Variants in BMAL2 observed in about 807,000 individuals in gnomAD.
BMAL2 encodes basic helix-loop-helix ARNT-like protein 2.
At chr12:27,387,210 T>C in the BMAL2 span, 42 of 1,438,986 alleles carry the variant, frequency 2.9e-5, no homozygotes, top group Admixed American at 7.4e-4. Context: ...AAATATTCAC[T>C]TTTTTTTTAA....
chr12:27,417,253 A>T, the BMAL2 span, among the ~76,000 whole-genome samples: 1 of 152,252 alleles, frequency 6.6e-6, no homozygotes, highest in South Asian at 2.1e-4. Flanking sequence ...ATATAACAGT[A>T]TAAGAACTTT....
chr12:27,419,962 A>G, the BMAL2 span, among the ~76,000 whole-genome samples: 1 of 151,550 alleles, frequency 6.6e-6, no homozygotes, highest in African/African-American at 2.4e-5. Context: ...TTCAGTATTA[A>G]ACAGATAGGG....
At chr12:27,390,053 A>G in the BMAL2 span, 66 of 1,596,206 alleles carry the variant, frequency 4.1e-5, no homozygotes, top group Non-Finnish European at 3.2e-5. Flanking sequence ...TTATTTGACA[A>G]TATTCTTTTC....
the BMAL2 span, chr12:27,420,641 TA>T: frequency 8.1e-7 from 1 of 1,234,888 alleles, no homozygotes; most frequent in Non-Finnish European, 1.1e-6. Context: ...TATCTTTTAT[TA>T]ATGTTCTACC....
the BMAL2 span, chr12:27,370,201 G>A: frequency 5.6e-6 from 9 of 1,613,946 alleles, no homozygotes; most frequent in South Asian, 8.8e-5. Flanking sequence ...TTTCAACAAG[G>A]ATAGAAATAT....
the BMAL2 span, among the ~76,000 whole-genome samples, chr12:27,354,415 T>C: frequency 6.6e-6 from 1 of 152,138 alleles, no homozygotes; most frequent in Non-Finnish European, 1.5e-5. Context: ...CGGGGCCTAC[T>C]TGAAGGCAGA....
chr12:27,422,204 A>G, the BMAL2 span: 1 of 152,068 alleles, frequency 6.6e-6, no homozygotes, highest in Admixed American at 6.5e-5. Flanking sequence ...ATGCTCCCAT[A>G]TTTTCTCTCT....
At chr12:27,417,383 C>A in the BMAL2 span, among the ~76,000 whole-genome samples, 18 of 152,286 alleles carry the variant, frequency 1.2e-4, no homozygotes, top group Non-Finnish European at 2.5e-4. Flanking sequence ...TGACCCCAAG[C>A]ATTTGTGGAC....
At chr12:27,410,973 G>A in the BMAL2 span, among the ~76,000 whole-genome samples, 2 of 151,798 alleles carry the variant, frequency 1.3e-5, no homozygotes, top group African/African-American at 4.8e-5. Context: ...GAAAATGTGT[G>A]GATTTCATAC....
the BMAL2 span, among the ~76,000 whole-genome samples, chr12:27,377,195 A>G: frequency 6.6e-6 from 1 of 152,192 alleles, no homozygotes; most frequent in Non-Finnish European, 1.5e-5. Context: ...TCAACATGGC[A>G]GTAACTGTAC....
chr12:27,356,576 G>T, the BMAL2 span, among the ~76,000 whole-genome samples: 17 of 152,288 alleles, frequency 1.1e-4, no homozygotes, highest in African/African-American at 3.8e-4. Flanking sequence ...ACTTAGAAAA[G>T]TTTGGAACAA....
the BMAL2 span, among the ~76,000 whole-genome samples, chr12:27,410,512 G>C: frequency 6.6e-6 from 1 of 152,018 alleles, no homozygotes; most frequent in Non-Finnish European, 1.5e-5. Context: ...ACCAAACACC[G>C]CATGTTCTCA....
chr12:27,342,529 A>G, the BMAL2 span, among the ~76,000 whole-genome samples: 1 of 152,252 alleles, frequency 6.6e-6, no homozygotes, highest in East Asian at 1.9e-4. Context: ...TTATCAATAG[A>G]TGTTAAAAGG....
At chr12:27,385,369 T>C in the BMAL2 span, 20,299 of 613,112 alleles carry the variant, frequency 0.033, 444 homozygotes, top group Non-Finnish European at 0.044. Context: ...ACAGAAAATG[T>C]CTTAGAATGT....
the BMAL2 span, chr12:27,380,460 G>A: frequency 1.3e-6 from 2 of 1,585,160 alleles, no homozygotes; most frequent in Admixed American, 3.4e-5. Flanking sequence ...CTGTCACTGA[G>A]GTCTCTGATT....
the BMAL2 span, among the ~76,000 whole-genome samples, chr12:27,361,755 C>T: frequency 1.2e-4 from 19 of 152,278 alleles, no homozygotes; most frequent in African/African-American, 4.3e-4. Context: ...TCAGCTAAAA[C>T]TAACTAGTCT....
chr12:27,380,261 A>G, the BMAL2 span: 5 of 1,614,158 alleles, frequency 3.1e-6, no homozygotes, highest in African/African-American at 4.0e-5. Context: ...GCTCATAGCC[A>G]AACTGAAAAG....
At chr12:27,421,774 A>C in the BMAL2 span, 1 of 152,220 alleles carries the variant, frequency 6.6e-6, no homozygotes, top group Non-Finnish European at 1.5e-5. Flanking sequence ...AAAGTCACAC[A>C]TTAAATTCAG....
the BMAL2 span, among the ~76,000 whole-genome samples, chr12:27,358,298 A>G: frequency 1.3e-5 from 2 of 152,216 alleles, no homozygotes; most frequent in Non-Finnish European, 2.9e-5. Context: ...GAAATGCTCA[A>G]CATCACTAAT....
Sources: gnomAD v4.1 joint callset for allele counts (sites outside exome capture counted in the v4.1 genomes callset) on GRCh38, gnomAD v4.1.1 for gene constraint, MANE v1.5 for transcripts, NCBI Gene and HGNC (gene_info 2026-07-23, HGNC 2026-07-21) for gene names.